The following ZSWIM5 variants were observed in gnomAD, a reference collection of about 807,000 sequenced individuals.
ZSWIM5 encodes the protein zinc finger SWIM domain-containing protein 5.
In ZSWIM5, 55 loss-of-function variants were observed where a neutral mutation model predicts 119.6. The observed-to-expected ratio is 0.46, with a 90% CI of 0.37 to 0.58. The LOEUF is 0.58. Among genes scored for constraint, ZSWIM5 ranks in the 20% least tolerant of loss-of-function variants. The pLI, the probability that ZSWIM5 is intolerant of heterozygous loss-of-function variation, is 0.00. For synonymous variants in ZSWIM5, 537 were observed against 606.9 expected, an observed-to-expected ratio of 0.88 and a Z score of 1.69; for missense variants, 1,193 against 1,512.8, an observed-to-expected ratio of 0.79 and a Z score of 3.51.
At chr1:45,178,787 C>T (rs1164059499) in intron 1 of ZSWIM5, among the ~76,000 whole-genome samples, 1 of 151,896 alleles carries the variant, frequency 6.6e-6, no homozygotes, top group African/African-American at 2.4e-5. Context: ...AATTTTATGG[C>T]TTTTTTCACT....
intron 8 of ZSWIM5, among the ~76,000 whole-genome samples, chr1:45,036,981 T>A: frequency 6.6e-6 from 1 of 151,352 alleles, no homozygotes. Flanking sequence ...AATTTTTTTT[T>A]GTAGAGATAG....
chr1:45,057,867 C>A lies in ZSWIM5; in HGVS notation c.1252+742G>T, dbSNP rs901923376. On this transcript the variant is annotated intron_variant, in intron 4 of 13. Transcript: ENST00000359600. The surrounding 1 kb of genome is among the most constrained non-coding windows in gnomAD (Gnocchi z 4.7). ...GTTCTAATCTAATCTAAAAGTTTCACGGGGGAATGGACACTACATTGCATT... is the reference window on the plus strand; with the variant it reads ...GTTCTAATCTAATCTAAAAGTTTCAAGGGGGAATGGACACTACATTGCATT... Among the ~76,000 whole-genome samples the A allele has an allele frequency of 2.0e-5, 3 of 152,046 alleles. No homozygotes were observed. Among genetic ancestry groups the A allele is most frequent in the South Asian group, 2.1e-4 (1 of 4,814 alleles).
intron 1 of ZSWIM5, among the ~76,000 whole-genome samples, chr1:45,176,739 C>T (rs1645983850): frequency 6.6e-6 from 1 of 151,962 alleles, no homozygotes; most frequent in South Asian, 2.1e-4. Flanking sequence ...AAACCTGCAC[C>T]TACTGCTGCC....
At chr1:45,093,618 T>C (rs1645380503) in intron 1 of ZSWIM5, among the ~76,000 whole-genome samples, 1 of 152,240 alleles carries the variant, frequency 6.6e-6, no homozygotes, top group Non-Finnish European at 1.5e-5. Context: ...AGTTTCCTTG[T>C]TGGGAGTTTC....
intron 1 of ZSWIM5, among the ~76,000 whole-genome samples, chr1:45,164,168 G>C (rs1253513324): frequency 2.0e-5 from 3 of 152,110 alleles, no homozygotes; most frequent in Non-Finnish European, 4.4e-5. Context: ...CCAATATTCA[G>C]CATTCTTAAA....
At chr1:45,194,684 T>C (rs1227842226) in intron 1 of ZSWIM5, among the ~76,000 whole-genome samples, 1 of 152,048 alleles carries the variant, frequency 6.6e-6, no homozygotes, top group Non-Finnish European at 1.5e-5. Context: ...GAGACCATCC[T>C]GGCTAACACA....
chr1:45,115,121 C>T (rs1645543424), intron 1 of ZSWIM5, among the ~76,000 whole-genome samples: 1 of 152,266 alleles, frequency 6.6e-6, no homozygotes, highest in Non-Finnish European at 1.5e-5. Context: ...AACAAAACCG[C>T]CATCGTCATC....
chr1:45,103,754 T>G (rs180943227), intron 1 of ZSWIM5, among the ~76,000 whole-genome samples: 1 of 152,234 alleles, frequency 6.6e-6, no homozygotes, highest in African/African-American at 2.4e-5. Flanking sequence ...TATCAGGACA[T>G]GAGTGAATCA....
intron 1 of ZSWIM5, among the ~76,000 whole-genome samples, chr1:45,202,640 C>T (rs1036647736): frequency 3.3e-5 from 5 of 151,920 alleles, no homozygotes; most frequent in East Asian, 1.9e-4. Flanking sequence ...ATGTACCAGG[C>T]GCAGAAGGCC....
At chr1:45,100,886 T>C (rs1407830416) in intron 1 of ZSWIM5, among the ~76,000 whole-genome samples, 4 of 152,162 alleles carry the variant, frequency 2.6e-5, no homozygotes, top group South Asian at 2.1e-4. Flanking sequence ...TTATACCTTA[T>C]ACAAAAATTA....
intron 1 of ZSWIM5, among the ~76,000 whole-genome samples, chr1:45,179,940 GTA>G (rs79490898): frequency 0.16 from 23,670 of 152,054 alleles, 1,960 homozygotes; most frequent in African/African-American, 0.18. Context: ...AAATGATATG[GTA>G]TAGGGAGGAG....
At chr1:45,031,569 G>T (rs552769264) in intron 11 of ZSWIM5, among the ~76,000 whole-genome samples, 2 of 152,010 alleles carry the variant, frequency 1.3e-5, no homozygotes, top group Admixed American at 6.6e-5. Flanking sequence ...GCTGGGCACA[G>T]TGGCTAACGC....
intron 1 of ZSWIM5, among the ~76,000 whole-genome samples, chr1:45,092,295 G>GGTTT (rs1238106690): frequency 1.3e-5 from 2 of 151,844 alleles, no homozygotes; most frequent in African/African-American, 4.8e-5. Context: ...TTTGTTTGTT[G>GGTTT]GTTTGTTTGT....
chr1:45,171,453 G>GT (rs2149045388), intron 1 of ZSWIM5, among the ~76,000 whole-genome samples: 3 of 152,172 alleles, frequency 2.0e-5, no homozygotes, highest in African/African-American at 7.2e-5. Context: ...AACTGACAAA[G>GT]ATTAATCTAA....
intron 1 of ZSWIM5, among the ~76,000 whole-genome samples, chr1:45,190,925 GA>G (rs1448162431): frequency 3.3e-4 from 32 of 98,172 alleles, no homozygotes; most frequent in African/African-American, 1.2e-3. Flanking sequence ...GAAATAGCTG[GA>G]ATTTTTTTTT....
At chr1:45,108,656 T>G (rs763387116) in intron 1 of ZSWIM5, among the ~76,000 whole-genome samples, 1 of 151,626 alleles carries the variant, frequency 6.6e-6, no homozygotes, top group Non-Finnish European at 1.5e-5. Context: ...ATATATTACA[T>G]ATAATGATCT....
chr1:45,186,874 G>A (rs1008171218), intron 1 of ZSWIM5, among the ~76,000 whole-genome samples: 2 of 152,056 alleles, frequency 1.3e-5, no homozygotes, highest in African/African-American at 2.4e-5. Context: ...TTACAGATGT[G>A]AGCCATCATA....
intron 1 of ZSWIM5, among the ~76,000 whole-genome samples, chr1:45,180,126 G>A (rs1016713080): frequency 2.0e-5 from 3 of 152,174 alleles, no homozygotes; most frequent in African/African-American, 4.8e-5. Context: ...GAAGCAGGGC[G>A]AGGCACTGAC....
In ZSWIM5 at chr1:45,019,673, T is replaced by C. The variant is rs778581596; in HGVS notation, c.2696-357A>G. ...GGCCTCTCAGGGTAGAGTCTTGTGCTGGGGCTTTGGGCTTTAGAAAGGGTC... is the reference window on the plus strand; with the variant it reads ...GGCCTCTCAGGGTAGAGTCTTGTGCCGGGGCTTTGGGCTTTAGAAAGGGTC... On this transcript the variant is annotated intron_variant, in intron 13 of 13. Transcript: ENST00000359600. The surrounding 1 kb of genome is among the most constrained non-coding windows in gnomAD (Gnocchi z 5.0). Among the ~76,000 whole-genome samples, 2 of 152,172 alleles carry C rather than the reference T, an allele frequency of 1.3e-5. No individual in the cohort carries two copies. The highest frequency in any genetic ancestry group is 2.4e-5 in the African/African-American group (1 of 41,438).
Sources: allele counts gnomAD v4.1 joint callset (sites outside exome capture counted in the v4.1 genomes callset), GRCh38; gene constraint gnomAD v4.1.1; non-coding constraint Gnocchi (gnomAD v3.1); transcripts MANE v1.5; gene names NCBI Gene and HGNC (gene_info 2026-07-23, HGNC 2026-07-21).